MYOM3: variants seen among roughly 807,000 people sequenced by gnomAD.
The protein encoded by MYOM3 is myomesin-3.
A neutral mutation model predicts 191.7 loss-of-function variants in MYOM3; 155 were observed. The ratio of observed to expected loss-of-function variants is 0.81; its 90% CI spans 0.71 to 0.92. The LOEUF (loss-of-function observed/expected upper bound fraction) is 0.92, where lower values mean the gene tolerates loss of function less well. Among genes scored for constraint, MYOM3 ranks in the 40% least tolerant of loss-of-function variants. The probability of loss-of-function intolerance (pLI) is 0.00; values close to 1 mark genes in which losing one functional copy is unlikely to be tolerated. For synonymous variants in MYOM3, 757 were observed against 762.9 expected, an observed-to-expected ratio of 0.99 and a Z score of 0.13; for missense variants, 1,889 against 1,890.6, an observed-to-expected ratio of 1.00 and a Z score of 0.02.
At chr1:24,103,657 T>C (rs961821288) in intron 5 of MYOM3, among the ~76,000 whole-genome samples, 2 of 152,240 alleles carry the variant, frequency 1.3e-5, no homozygotes, top group African/African-American at 4.8e-5. Context: ...GTGAAGACCC[T>C]GTTTCTCTGG....
At chr1:24,081,700 C>T in intron 18 of MYOM3, 1 of 591,302 alleles carries the variant, frequency 1.7e-6, no homozygotes, top group Non-Finnish European at 3.0e-6. Flanking sequence ...GTAGCCAGGA[C>T]TACAGGCGCG....
At chr1:24,081,511 C>T (rs546363237) in intron 18 of MYOM3, 55 bp from the exon 19 acceptor site, 6 of 1,597,182 alleles carry the variant, frequency 3.8e-6, no homozygotes, top group Admixed American at 3.4e-5. Context: ...GGATGGGGAA[C>T]AGAAGCAGTG....
intron 5 of MYOM3, among the ~76,000 whole-genome samples, chr1:24,104,223 C>T (rs1643963151): frequency 6.6e-6 from 1 of 152,092 alleles, no homozygotes; most frequent in Non-Finnish European, 1.5e-5. Flanking sequence ...TGCTGTTTTC[C>T]TTTGTGTTTT....
intron 1 of MYOM3, among the ~76,000 whole-genome samples, chr1:24,110,858 TG>T (rs1335063729): frequency 6.6e-6 from 1 of 152,184 alleles, no homozygotes; most frequent in Non-Finnish European, 1.5e-5. Flanking sequence ...CCACCCTAGG[TG>T]GAGCAAGGAC....
chr1:24,085,832 T>C (rs970583884), intron 15 of MYOM3, among the ~76,000 whole-genome samples: 2 of 104,568 alleles, frequency 1.9e-5, no homozygotes, highest in Non-Finnish European at 3.8e-5. Context: ...CGTGTGTGTA[T>C]GTGTGTGTGT....
In MYOM3 at chr1:24,064,094, G is replaced by A; in HGVS notation, c.3600C>T (p.Thr1200=). 2 of 1,613,970 alleles carry A rather than the reference G, an allele frequency of 1.2e-6. No individual in the cohort carries two copies. The highest frequency in any genetic ancestry group is 1.7e-6 in the Non-Finnish European group (2 of 1,179,918). ...MVSDDRGEDD[T]ILDLTGDALD... ...TACCGTCACCCGTGAGGTCCAATAT[G>A]GTGTCGTCCTCCCCTCGATCGTCAG... The change falls in exon 30 of 37, where the codon ACC becomes ACT. Residue 1200 remains threonine (T), a synonymous_variant. Transcript: ENST00000374434.
At chr1:24,069,615 C>T (rs991231625) in intron 25 of MYOM3, among the ~76,000 whole-genome samples, 1 of 138,124 alleles carries the variant, frequency 7.2e-6, no homozygotes, top group Non-Finnish European at 1.6e-5. Context: ...TTCTTTCTTT[C>T]TTTTTTTTTT....
rs192049401 is a variant in MYOM3 at position 24,078,915 on chromosome 1, G to T, written c.2586+1101C>A. ...TGGTTAGGCCAGGAGAAGACTATTTGTGATTTTCTTACCTCCTGCATGTGT... is the reference window on the plus strand; with the variant it reads ...TGGTTAGGCCAGGAGAAGACTATTTTTGATTTTCTTACCTCCTGCATGTGT... On this transcript the variant is annotated intron_variant, in intron 20 of 36. Coordinates refer to ENST00000374434, the MANE Select transcript of MYOM3 (RefSeq NM_152372.4). Among the ~76,000 whole-genome samples the T allele has an allele frequency of 1.9e-3, 295 of 152,224 alleles. 3 individuals are homozygous for T. Among genetic ancestry groups the T allele is most frequent in the African/African-American group, 6.9e-3 (286 of 41,520 alleles).
chr1:24,101,215 G>A (rs1570886068), intron 5 of MYOM3, among the ~76,000 whole-genome samples: 1 of 152,154 alleles, frequency 6.6e-6, no homozygotes, highest in Non-Finnish European at 1.5e-5. Flanking sequence ...GAAGTTCAGG[G>A]CTGCCTCTCC....
intron 7 of MYOM3, among the ~76,000 whole-genome samples, chr1:24,097,371 C>T (rs1280639257): frequency 6.6e-6 from 1 of 152,180 alleles, no homozygotes; most frequent in African/African-American, 2.4e-5. Context: ...CAAAGTTATC[C>T]CCTGAGAGAG....
rs1297658653 is a variant in MYOM3 at position 24,089,665 on chromosome 1, T to C, written c.1487A>G (p.Asp496Gly). Reference protein sequence around the residue: ...KITISTDAFEDTVTIPSPPTN... With the variant: ...KITISTDAFEGTVTIPSPPTN... Reference sequence around the variant, plus strand: ...TGGCGGTGAGGGGATGGTCACAGTATCTGAAATCAGAGTCACCCGGGACCG... The same window carrying C: ...TGGCGGTGAGGGGATGGTCACAGTACCTGAAATCAGAGTCACCCGGGACCG... The change falls in exon 14 of 37, where the codon GAT becomes GGT. Residue 496 changes from aspartate (D) to glycine (G), a missense_variant and splice_region_variant. Transcript: ENST00000374434. 6.3e-7 allele frequency: 1 copy of C among 1,578,980 alleles called. No individual in the cohort carries two copies. Among genetic ancestry groups the C allele is most frequent in the Admixed American group, 1.9e-5 (1 of 53,830 alleles).
intron 3 of MYOM3, among the ~76,000 whole-genome samples, 182 bp from the exon 4 acceptor site, chr1:24,107,414 T>A (rs1233402311): frequency 6.6e-6 from 1 of 152,260 alleles, no homozygotes; most frequent in Non-Finnish European, 1.5e-5. Context: ...CAGTCAGTCC[T>A]TAATAGTTGA....
Position 24,086,821 on chromosome 1 carries a change from T to C in MYOM3, c.1621A>G (p.Ile541Val). 6.2e-7 allele frequency: 1 copy of C among 1,613,912 alleles called. No homozygotes were observed. Among genetic ancestry groups the C allele is most frequent in the Non-Finnish European group, 8.5e-7 (1 of 1,179,868 alleles). The change falls in exon 15 of 37, where the codon ATA (isoleucine) becomes GTA (valine). Residue 541 changes from isoleucine (I) to valine (V), a missense_variant. Ile to Val is a conservative substitution (Grantham distance 29). Coordinates refer to ENST00000374434, the MANE Select transcript of MYOM3 (RefSeq NM_152372.4). The stretch of plus-strand genomic sequence containing the variant: ...ATGGCCTCCCAGGTGCCACTACCTA[T>C]GACTGACTGAAGAAACAGAGGGACT... ...PLTYSLEKSV[I>V]GSGTWEAISS...
In MYOM3 at chr1:24,094,893, T is replaced by G. The variant is rs958734214; in HGVS notation, c.888A>C (p.Glu296Asp). 1 of 1,614,054 alleles carries G rather than the reference T, an allele frequency of 6.2e-7. No homozygotes were observed. Among genetic ancestry groups the G allele is most frequent in the East Asian group, 2.2e-5 (1 of 44,880 alleles). Residue 296 changes from glutamate to aspartate, a missense_variant, in exon 9 of 37, where the codon GAA becomes GAC. Coordinates refer to ENST00000374434, the MANE Select transcript of MYOM3 (RefSeq NM_152372.4). ...EPFSLSCLFS[E>D]DVLDAESIQW... is the part of the protein sequence containing the mutation. ...GGATGCTCTCAGCATCTAACACATC[T>G]TCCGAAAACAAGCATGACAGGGAGA...
At chr1:24,080,928 C>T (rs1643660939) in intron 19 of MYOM3, among the ~76,000 whole-genome samples, 1 of 152,084 alleles carries the variant, frequency 6.6e-6, no homozygotes, top group Non-Finnish European at 1.5e-5. Flanking sequence ...GGCCAACTGT[C>T]CATTTGTCCA....
At position 24,057,519 on chromosome 1, in the gene MYOM3, C is replaced by T; in HGVS notation, c.4159G>A (p.Gly1387Arg). ...TCAATGGTGATGGTGACCTCTGTCC[C>T]CCTCACTTCCATGCGGTATCGGTCA... is the stretch of plus-strand genomic sequence containing the variant. ...FLDRYRMEVR[G>R]TEVTITIEKV... The change falls in exon 37 of 37, where the codon GGG (glycine) becomes AGG (arginine). Residue 1387 changes from glycine to arginine, a missense_variant. Physicochemically the swap from Gly to Arg is moderately radical, Grantham distance 125. Transcript: ENST00000374434. 1 of 1,614,198 alleles carries T rather than the reference C, an allele frequency of 6.2e-7. No individual in the cohort carries two copies. The highest frequency in any genetic ancestry group is 8.5e-7 in the Non-Finnish European group (1 of 1,180,028).
intron 4 of MYOM3, among the ~76,000 whole-genome samples, chr1:24,106,820 C>T (rs547952914): frequency 1.8e-4 from 28 of 152,296 alleles, no homozygotes; most frequent in Admixed American, 1.2e-3. Flanking sequence ...CCGCCTACCT[C>T]GGCCTCCCAA....
chr1:24,092,269 G>A lies in MYOM3; in HGVS notation c.1137C>T (p.Val379=), dbSNP rs1184105744. The A allele has an allele frequency of 7.2e-7, 1 of 1,396,218 alleles. No individual in the cohort carries two copies. The highest frequency in any genetic ancestry group is 1.8e-5 in the South Asian group (1 of 55,526). 86.5% of individuals were successfully genotyped at this position (1,396,218 alleles called of 1,614,324 possible). ...AGTCTCTGTTCACATCCAGGCATCGGACGTTCAGTGGGGAGCCTGGGGCCC... is the reference window on the plus strand; with the variant it reads ...AGTCTCTGTTCACATCCAGGCATCGAACGTTCAGTGGGGAGCCTGGGGCCC... ...NPGAPGSPLN[V]RCLDVNRDCL... The change falls in exon 11 of 37, where the codon GTC becomes GTT. Residue 379 remains valine, a synonymous_variant. Transcript: ENST00000374434.
chr1:24,098,319 T>C (rs1272610005), intron 6 of MYOM3, among the ~76,000 whole-genome samples: 1 of 152,222 alleles, frequency 6.6e-6, no homozygotes, highest in Non-Finnish European at 1.5e-5. Context: ...GTTAAGTGAC[T>C]TTCCCAGAGT....
Sources: allele counts gnomAD v4.1 joint callset (sites outside exome capture counted in the v4.1 genomes callset), GRCh38; gene constraint gnomAD v4.1.1; transcripts MANE v1.5; gene names NCBI Gene and HGNC (gene_info 2026-07-23, HGNC 2026-07-21).